The following OLFML2A variants were observed in gnomAD, a reference collection of about 807,000 sequenced individuals.
The protein encoded by OLFML2A is olfactomedin like 2A.
OLFML2A carries 47 observed loss-of-function variants against 60.9 expected under a neutral mutation model. The ratio of observed to expected loss-of-function variants is 0.77; its 90% CI spans 0.61 to 0.98. The LOEUF (loss-of-function observed/expected upper bound fraction) is 0.98, where lower values mean the gene tolerates loss of function less well. Among genes scored for constraint, OLFML2A ranks in the 50% least tolerant of loss-of-function variants. The pLI is 0.00. For missense variants in OLFML2A, 922 were observed against 879.8 expected, an observed-to-expected ratio of 1.05 and a Z score of -0.61; for synonymous variants, 372 against 375.0, an observed-to-expected ratio of 0.99 and a Z score of 0.09.
rs1221686980 is a variant in OLFML2A at position 124,811,063 on chromosome 9, C to T, written c.*651C>T. 3 of 153,108 alleles carry T rather than the reference C, an allele frequency of 2.0e-5. No homozygotes were observed. Among genetic ancestry groups the T allele is most frequent in the African/African-American group, 4.8e-5 (2 of 41,444 alleles). The allele number at this position is 153,108 out of a possible 1,614,324, so 9.5% of individuals were successfully genotyped here. ...GCCCACCCCACCCGCTGTCCGGCCA[C>T]ATTCCAAACCTCTACCGTCACCTAG... On this transcript the variant is annotated 3_prime_UTR_variant, in exon 8 of 8. Transcript: ENST00000373580.
intron 1 of OLFML2A, among the ~76,000 whole-genome samples, chr9:124,782,975 G>A (rs1841389065): frequency 6.6e-6 from 1 of 152,096 alleles, no homozygotes; most frequent in African/African-American, 2.4e-5. Context: ...GGACCCAGGA[G>A]TCTTGAAGGA....
In OLFML2A at chr9:124,801,651, G is replaced by C. The variant is rs116205949; in HGVS notation, c.907G>C (p.Glu303Gln). ...CAAGGCAGGCAAGCAGGAGGTGACC[G>C]AGGCGGTGGCAGGTGAGTAGGAGGG... is the stretch of plus-strand genomic sequence containing the variant. The part of the protein sequence containing the change: ...YYKAGKQEVT[E>Q]AVADNTLQGT... The change falls in exon 5 of 8, where the codon GAG (glutamate) becomes CAG (glutamine). Residue 303 changes from glutamate (E) to glutamine (Q), a missense_variant. By Grantham distance (29) the Glu-to-Gln change is conservative (BLOSUM62 2). Transcript: ENST00000373580. The C allele has an allele frequency of 1.9e-4, 308 of 1,612,910 alleles. No individual in the cohort carries two copies. Among genetic ancestry groups the C allele is most frequent in the Non-Finnish European group, 2.5e-4 (293 of 1,179,502 alleles).
At chr9:124,796,004 T>C (rs370732331) in intron 3 of OLFML2A, among the ~76,000 whole-genome samples, 64 of 152,334 alleles carry the variant, frequency 4.2e-4, no homozygotes, top group East Asian at 3.7e-3. Flanking sequence ...TTTGTATCTC[T>C]GCTGGCGCAG....
chr9:124,784,566 C>G (rs1841423046), intron 1 of OLFML2A, among the ~76,000 whole-genome samples: 1 of 152,142 alleles, frequency 6.6e-6, no homozygotes, highest in Non-Finnish European at 1.5e-5. Context: ...TAAAAGGTCT[C>G]CATAATTTTT....
chr9:124,801,958 C>A (rs1421066061), intron 5 of OLFML2A, among the ~76,000 whole-genome samples: 1 of 152,160 alleles, frequency 6.6e-6, no homozygotes, highest in Non-Finnish European at 1.5e-5. Context: ...CCGCTCTGAC[C>A]AGGTGACAGG....
Position 124,807,791 on chromosome 9 carries a change from G to T in OLFML2A, c.1179G>T (p.Ala393=), listed in dbSNP as rs149246444. ...GPEVSSQGRE[A]SCEGTLRAVD... is the part of the protein sequence containing the mutation. ...CCCTCCTCCCCACAGGCAGAGAGGC[G>T]AGCTGTGAGGGCACCCTCCGGGCTG... The change falls in exon 7 of 8, where the codon GCG becomes GCT. Residue 393 remains alanine (A), a synonymous_variant. Coordinates refer to ENST00000373580, the MANE Select transcript of OLFML2A (RefSeq NM_182487.4). The T allele has an allele frequency of 6.2e-7, 1 of 1,611,498 alleles. No individual in the cohort carries two copies. The highest frequency in any genetic ancestry group is 1.1e-5 in the South Asian group (1 of 90,928).
rs768720975 is a variant in OLFML2A at position 124,801,650 on chromosome 9, C to T, written c.906C>T (p.Thr302=). 23 of 1,612,764 alleles carry T rather than the reference C, an allele frequency of 1.4e-5. No individual in the cohort carries two copies. Among genetic ancestry groups the T allele is most frequent in the African/African-American group, 1.3e-4 (10 of 74,838 alleles). Residue 302 remains threonine (T), a synonymous_variant, in exon 5 of 8, where the codon ACC becomes ACT. Transcript: ENST00000373580. ...TYYKAGKQEV[T]EAVADNTLQG... is the part of the protein sequence containing the mutation. The stretch of plus-strand genomic sequence containing the variant: ...ACAAGGCAGGCAAGCAGGAGGTGAC[C>T]GAGGCGGTGGCAGGTGAGTAGGAGG...
chr9:124,807,886 G>A lies in OLFML2A; in HGVS notation c.1274G>A (p.Arg425Gln), dbSNP rs16927649. Residue 425 changes from arginine (R) to glutamine (Q), a missense_variant, in exon 7 of 8, where the codon CGA becomes CAA. Transcript: ENST00000373580. ...EGAWMKDPAA[R>Q]DDRIYVTNYY... ...GCCTGGATGAAGGACCCTGCAGCTC[G>A]AGACGACAGGATCTATGTCACCAAC... 1,308 of 1,614,160 alleles carry A rather than the reference G, an allele frequency of 8.1e-4. 20 individuals are homozygous for A. The East Asian group carries it at 0.025, about 31-fold the overall frequency.
chr9:124,778,203 C>CAA (rs577648747), intron 1 of OLFML2A, among the ~76,000 whole-genome samples: 1 of 151,044 alleles, frequency 6.6e-6, no homozygotes, highest in South Asian at 2.1e-4. Flanking sequence ...ACTAAAAATA[C>CAA]AAAAAAAAGT....
chr9:124,808,027 A>G (rs1344770890), intron 7 of OLFML2A, 61 bp downstream of exon 7: 5 of 1,326,648 alleles, frequency 3.8e-6, no homozygotes, highest in Non-Finnish European at 5.4e-6. Context: ...AGGGGTCCTC[A>G]TGGGGACTTG....
At chr9:124,780,944 G>T (rs1238026249) in intron 1 of OLFML2A, among the ~76,000 whole-genome samples, 2 of 152,176 alleles carry the variant, frequency 1.3e-5, no homozygotes, top group African/African-American at 4.8e-5. Context: ...ATCCAGATAG[G>T]CTGGGGAGCC....
chr9:124,779,064 C>T lies in OLFML2A; in HGVS notation c.90+1704C>T, dbSNP rs1318682918. 9 of 429,264 alleles carry T rather than the reference C, an allele frequency of 2.1e-5. No individual in the cohort carries two copies. Among genetic ancestry groups the T allele is most frequent in the East Asian group, 3.1e-4 (2 of 6,404 alleles). The allele number at this position is 429,264 out of a possible 1,614,324, so 26.6% of individuals were successfully genotyped here. ...AGGGCATGAAAGCACCCACGTACAA[C>T]GCTGCTCATGTACTCCAGAGACAAG... On this transcript the variant is annotated intron_variant, in intron 1 of 7. Transcript: ENST00000373580. The surrounding 1 kb of genome is among the most constrained non-coding windows in gnomAD (Gnocchi z 4.1).
At chr9:124,793,809 T>G (rs567038074) in intron 2 of OLFML2A, among the ~76,000 whole-genome samples, 26 of 152,258 alleles carry the variant, frequency 1.7e-4, no homozygotes, top group Non-Finnish European at 3.5e-4. Context: ...GAGGATCACT[T>G]GAGGCCAAGG....
chr9:124,803,245 TTCC>T (rs1269031595), intron 5 of OLFML2A, among the ~76,000 whole-genome samples: 1 of 151,000 alleles, frequency 6.6e-6, no homozygotes, highest in Non-Finnish European at 1.5e-5. Flanking sequence ...CCCTAAACCC[TTCC>T]TTCCTTCCTT....
intron 1 of OLFML2A, among the ~76,000 whole-genome samples, chr9:124,784,775 C>T (rs1037963550): frequency 4.6e-5 from 7 of 152,000 alleles, no homozygotes; most frequent in Non-Finnish European, 8.8e-5. Flanking sequence ...TCCTGGAAGC[C>T]ACTAATCTGT....
chr9:124,810,440 G>A lies in OLFML2A; in HGVS notation c.*28G>A. 1 of 1,567,794 alleles carries A rather than the reference G, an allele frequency of 6.4e-7. No individual in the cohort carries two copies. The highest frequency in any genetic ancestry group is 8.6e-7 in the Non-Finnish European group (1 of 1,161,012). ...GGAGACCTGTGCTCCCCGGAGAGGG[G>A]CAGCAGTGCGGGAGGGGCTTTGCAC... is the stretch of plus-strand genomic sequence containing the variant. On this transcript the variant is annotated 3_prime_UTR_variant, in exon 8 of 8. Coordinates refer to ENST00000373580, the MANE Select transcript of OLFML2A (RefSeq NM_182487.4).
chr9:124,807,306 T>TTTTTTTTTA (rs1841915119), intron 6 of OLFML2A, among the ~76,000 whole-genome samples: 3 of 151,302 alleles, frequency 2.0e-5, no homozygotes, highest in Admixed American at 6.6e-5. Context: ...TTTTTTTTTT[T>TTTTTTTTTA]GAGAAGAGTT....
intron 2 of OLFML2A, among the ~76,000 whole-genome samples, chr9:124,788,364 T>C (rs1374644265): frequency 1.3e-5 from 2 of 151,258 alleles, no homozygotes; most frequent in African/African-American, 4.9e-5. Context: ...TCCCAGCACT[T>C]TGGGAGACTG....
At position 124,801,614 on chromosome 9, in the gene OLFML2A, C is replaced by T; in HGVS notation, c.870C>T (p.Gly290=). 1 of 1,613,868 alleles carries T rather than the reference C, an allele frequency of 6.2e-7. No homozygotes were observed. Among genetic ancestry groups the T allele is most frequent in the Non-Finnish European group, 8.5e-7 (1 of 1,180,016 alleles). The part of the protein sequence containing the change: ...ALAQQQAVIR[G]FTYYKAGKQE... ...CCCAGCAGCAGGCTGTGATCCGGGGCTTCACCTACTACAAGGCAGGCAAGC... is the reference window on the plus strand; with the variant it reads ...CCCAGCAGCAGGCTGTGATCCGGGGTTTCACCTACTACAAGGCAGGCAAGC... Residue 290 remains glycine (G), a synonymous_variant, in exon 5 of 8, where the codon GGC becomes GGT. Transcript: ENST00000373580.
Sources: allele counts gnomAD v4.1 joint callset (sites outside exome capture counted in the v4.1 genomes callset), GRCh38; gene constraint gnomAD v4.1.1; non-coding constraint Gnocchi (gnomAD v3.1); transcripts MANE v1.5; gene names NCBI Gene and HGNC (gene_info 2026-07-23, HGNC 2026-07-21).